PDLIM3: variants seen among roughly 807,000 people sequenced by gnomAD.
PDLIM3 encodes the protein PDZ and LIM domain 3.
In PDLIM3, 36 loss-of-function variants were observed where a neutral mutation model predicts 37.3. The observed-to-expected ratio is 0.97, with a 90% CI of 0.74 to 1.28. The LOEUF is 1.28. PDLIM3 is among the 50% of genes most tolerant of loss of function. The pLI, the probability that PDLIM3 is intolerant of heterozygous loss-of-function variation, is 0.00. For synonymous variants in PDLIM3, 174 were observed against 182.4 expected (o/e 0.95, Z 0.37); for missense variants, 454 against 485.0 (o/e 0.94, Z 0.60).
rs535585270 is a variant in PDLIM3 at position 185,529,324 on chromosome 4, A to G, written c.94-4153T>C. The stretch of plus-strand genomic sequence containing the variant: ...CTTATATTACTTGGATCTGTTGGGG[A>G]AAAAAAAGCTAACTGAAAACACAGA... On this transcript the variant is annotated intron_variant, in intron 1 of 7. Transcript: ENST00000284767. 6.7e-5 allele frequency among the ~76,000 whole-genome samples: 10 copies of G among 148,894 alleles called. No individual in the cohort carries two copies. The South Asian group carries it at 8.4e-4, about 12-fold the overall frequency.
Position 185,501,113 on chromosome 4 carries a change from G to A in PDLIM3, c.*1181C>T, listed in dbSNP as rs539104778. The A allele has an allele frequency of 6.6e-6, 1 of 152,246 alleles. No homozygotes were observed. Among genetic ancestry groups the A allele is most frequent in the African/African-American group, 2.4e-5 (1 of 41,414 alleles). 9.4% of individuals were successfully genotyped at this position (152,246 alleles called of 1,614,324 possible). A position where few individuals can be genotyped will look rare whatever the true frequency, so the allele number is the denominator to read the frequency against. ...CATGGGCACCCTGGGTGAGAGGCAA[G>A]GTAACGCCATGCAGAGCCTGCAAGG... On this transcript the variant is annotated 3_prime_UTR_variant, in exon 8 of 8. Transcript: ENST00000284767.
intron 3 of PDLIM3, among the ~76,000 whole-genome samples, chr4:185,521,895 C>T (rs1252325286): frequency 3.0e-5 from 2 of 65,990 alleles, no homozygotes; most frequent in African/African-American, 5.5e-5. Context: ...AGAGGGAAGA[C>T]AACAGCCTCA....
intron 4 of PDLIM3, chr4:185,512,755 C>T (rs2095708578): frequency 2.0e-5 from 20 of 983,708 alleles, no homozygotes; most frequent in Non-Finnish European, 2.2e-5. Context: ...TTTTACTATG[C>T]TTCTTTGGGA....
intron 1 of PDLIM3, among the ~76,000 whole-genome samples, chr4:185,531,670 T>C (rs916423757): frequency 2.6e-5 from 4 of 152,098 alleles, no homozygotes; most frequent in Non-Finnish European, 4.4e-5. Context: ...GAGTGAAGGG[T>C]ATAGCTTGTA....
chr4:185,503,179 G>A lies in PDLIM3; in HGVS notation c.906-696C>T, dbSNP rs538708947. Among the ~76,000 whole-genome samples the A allele has an allele frequency of 7.2e-5, 11 of 152,210 alleles. No individual in the cohort carries two copies. The East Asian group carries it at 7.7e-4, about 11-fold the overall frequency. On this transcript the variant is annotated intron_variant, in intron 7 of 7. Transcript: ENST00000284767. ...GCGGAGGTTGCAGTGAGCCGAGATC[G>A]CGCCACTGCACTCCAGCCTGGGCGA...
In PDLIM3 at chr4:185,506,579, G is replaced by A; in HGVS notation, c.736C>T (p.Gln246Ter). The A allele has an allele frequency of 6.2e-7, 1 of 1,613,146 alleles. No individual in the cohort carries two copies. The highest frequency in any genetic ancestry group is 8.5e-7 in the Non-Finnish European group (1 of 1,180,010). ...CTGAAGGAGCCCGACTGGCGAGGCT[G>A]TGTGGGCTCATTCCGATTGTCGTGG... ...MLHDNRNEPT[Q>*]PRQSGSFRVL... Residue 246 changes from glutamine (Q) to a stop codon, truncating the protein, a stop_gained, in exon 6 of 8, where the codon CAG (glutamine) becomes TAG (stop). Transcript: ENST00000284767. LOFTEE classifies it high-confidence loss of function.
At chr4:185,508,601 G>A (rs2095701872) in intron 4 of PDLIM3, 39 bp from the exon 5 acceptor site, 1 of 1,610,666 alleles carries the variant, frequency 6.2e-7, no homozygotes, top group South Asian at 1.1e-5. Context: ...GATGGCACCG[G>A]GAGCCAGACA....
At position 185,523,418 on chromosome 4, in the gene PDLIM3, C is replaced by T; in HGVS notation, c.274G>A (p.Val92Ile). Residue 92 changes from valine to isoleucine, a missense_variant, in exon 3 of 8, where the codon GTA becomes ATA. Val to Ile is a conservative substitution (Grantham distance 29, BLOSUM62 3). Transcript: ENST00000284767. ...RGETHLWSPQ[V>I]SEDGKAHPFK... ...GGATGGGCTTTCCCATCTTCAGATACTTGTGGAGACCATAAGTGAGTTTCT... is the reference window on the plus strand; with the variant it reads ...GGATGGGCTTTCCCATCTTCAGATATTTGTGGAGACCATAAGTGAGTTTCT... 6.2e-7 allele frequency: 1 copy of T among 1,610,628 alleles called. No individual in the cohort carries two copies.
intron 6 of PDLIM3, among the ~76,000 whole-genome samples, chr4:185,505,014 C>A (rs1219418256): frequency 2.7e-5 from 4 of 147,316 alleles, no homozygotes; most frequent in Non-Finnish European, 4.4e-5. Flanking sequence ...TAACTCCCCA[C>A]CCATGAAACA....
chr4:185,502,526 CA>C, intron 7 of PDLIM3, 43 bp from the exon 8 acceptor site: 1 of 1,563,678 alleles, frequency 6.4e-7, no homozygotes, highest in Non-Finnish European at 8.8e-7. Flanking sequence ...AACCACAGAG[CA>C]AAAATATGAG....
intron 7 of PDLIM3, among the ~76,000 whole-genome samples, chr4:185,503,563 A>G (rs1402190862): frequency 6.6e-6 from 1 of 152,216 alleles, no homozygotes; most frequent in East Asian, 1.9e-4. Context: ...GAATAAGGGA[A>G]TGGGGACGTG....
At chr4:185,519,687 C>A (rs57498749) in intron 3 of PDLIM3, among the ~76,000 whole-genome samples, 18,774 of 151,900 alleles carry the variant, frequency 0.12, 3,628 homozygotes, top group African/African-American at 0.41. Context: ...GGGAAAAAAA[C>A]CCCCAGAAAT....
At chr4:185,519,546 C>T (rs1460321131) in intron 3 of PDLIM3, among the ~76,000 whole-genome samples, 1 of 152,164 alleles carries the variant, frequency 6.6e-6, no homozygotes, top group East Asian at 1.9e-4. Flanking sequence ...CTCGGCCTCC[C>T]AAAGTGCTGG....
chr4:185,524,960 T>A (rs1169676865), intron 2 of PDLIM3, 60 bp downstream of exon 2: 1 of 1,558,048 alleles, frequency 6.4e-7, no homozygotes, highest in African/African-American at 1.4e-5. Context: ...TTATTTATAG[T>A]TCTGGTTCAG....
intron 4 of PDLIM3, chr4:185,513,359 G>A: frequency 1.0e-6 from 1 of 984,896 alleles, no homozygotes; most frequent in Non-Finnish European, 1.2e-6. Context: ...GGGATGACCT[G>A]CTATCCGCAG....
intron 3 of PDLIM3, among the ~76,000 whole-genome samples, chr4:185,518,832 T>C (rs2153337016): frequency 6.6e-6 from 1 of 152,354 alleles, no homozygotes; most frequent in Non-Finnish European, 1.5e-5. Flanking sequence ...TCTTCTTGAC[T>C]GTGTATGTAA....
At chr4:185,519,472 A>G (rs1382868778) in intron 3 of PDLIM3, among the ~76,000 whole-genome samples, 1 of 152,024 alleles carries the variant, frequency 6.6e-6, no homozygotes, top group African/African-American at 2.4e-5. Flanking sequence ...TTTCTAGTAG[A>G]GACAGGGTTT....
intron 1 of PDLIM3, among the ~76,000 whole-genome samples, chr4:185,526,040 C>T (rs2095733557): frequency 6.6e-6 from 1 of 152,176 alleles, no homozygotes; most frequent in East Asian, 1.9e-4. Context: ...GCTAAAGTCA[C>T]AGGGCAATAA....
In PDLIM3 at chr4:185,523,625, T is replaced by C. The variant is rs867509114; in HGVS notation, c.246-179A>G. Among the ~76,000 whole-genome samples the C allele has an allele frequency of 1.3e-3, 186 of 140,044 alleles. 1 individual carries two copies. Among genetic ancestry groups the C allele is most frequent in the African/African-American group, 3.9e-3 (153 of 39,254 alleles). 91.9% of individuals were successfully genotyped at this position (140,044 alleles called of 152,430 possible). On this transcript the variant is annotated intron_variant, in intron 2 of 7. Transcript: ENST00000284767. ...CCACATAATTAGTCTTCCCCCCCCC[T>C]TTTTTTTTCTTTTAATGTTGTCTCC...
Sources: gnomAD v4.1 joint callset for allele counts (sites outside exome capture counted in the v4.1 genomes callset) on GRCh38, gnomAD v4.1.1 for gene constraint, MANE v1.5 for transcripts, NCBI Gene and HGNC (gene_info 2026-07-23, HGNC 2026-07-21) for gene names.